Variants in HS3ST3A1 observed in about 807,000 individuals in gnomAD.
The protein encoded by HS3ST3A1 is heparan sulfate-glucosamine 3-sulfotransferase 3A1, also known as heparan sulfate glucosamine 3-O-sulfotransferase 3A1.
In HS3ST3A1, 19 loss-of-function variants were observed where a neutral mutation model predicts 25.7. That is an observed-to-expected ratio of 0.74 (90% CI 0.52 to 1.08). The LOEUF is 1.08. HS3ST3A1 is among the 50% of genes least tolerant of loss of function. The pLI is 0.00. For synonymous variants in HS3ST3A1, 226 were observed against 278.6 expected (o/e 0.81, Z 1.88); for missense variants, 459 against 594.3 (o/e 0.77, Z 2.37).
intron 1 of HS3ST3A1, among the ~76,000 whole-genome samples, chr17:13,536,028 A>C (rs191229838): frequency 5.3e-5 from 8 of 152,318 alleles, no homozygotes; most frequent in African/African-American, 1.9e-4. Context: ...CTAATCTTGC[A>C]ACTGCTGGAC....
At chr17:13,597,262 T>C (rs527365875) in intron 1 of HS3ST3A1, among the ~76,000 whole-genome samples, 23 of 152,166 alleles carry the variant, frequency 1.5e-4, no homozygotes, top group African/African-American at 5.1e-4. Flanking sequence ...TTAATAAGTA[T>C]CTTTTAGCTT....
chr17:13,537,769 G>A (rs2142340076), intron 1 of HS3ST3A1, among the ~76,000 whole-genome samples: 1 of 152,284 alleles, frequency 6.6e-6, no homozygotes, highest in Admixed American at 6.5e-5. Context: ...ACGAACACTT[G>A]TCAACTGAGG....
chr17:13,513,695 C>T (rs1598410396), intron 1 of HS3ST3A1, among the ~76,000 whole-genome samples: 1 of 152,164 alleles, frequency 6.6e-6, no homozygotes, highest in African/African-American at 2.4e-5. Flanking sequence ...TAAATTGCTG[C>T]GCAGTATCCT....
At chr17:13,551,481 T>A (rs1031969396) in intron 1 of HS3ST3A1, among the ~76,000 whole-genome samples, 3 of 151,974 alleles carry the variant, frequency 2.0e-5, no homozygotes, top group Non-Finnish European at 2.9e-5. Context: ...AATTGATAGA[T>A]AAACAGTCCC....
chr17:13,524,778 A>T (rs1355981055), intron 1 of HS3ST3A1, among the ~76,000 whole-genome samples: 1 of 152,146 alleles, frequency 6.6e-6, no homozygotes, highest in African/African-American at 2.4e-5. Context: ...CTTTCTGCAA[A>T]ATTTATTCAC....
At position 13,506,901 on chromosome 17, in the gene HS3ST3A1, CA is replaced by C. The variant is rs958583882; in HGVS notation, c.600-10084del. ...CTGTAACCCTGTCTCTACTAAAATA[CA>C]AAAAAAAAAAAAAAAAATTAGCCAG... On this transcript the variant is annotated intron_variant, in intron 1 of 1. Transcript: ENST00000284110. 7.4e-3 allele frequency among the ~76,000 whole-genome samples: 744 copies of C among 101,164 alleles called. 1 individual carries two copies. The highest frequency in any genetic ancestry group is 8.2e-3 in the African/African-American group (229 of 28,044). The allele number at this position is 101,164 out of a possible 152,430, so 66.4% of individuals were successfully genotyped here. A position where few individuals can be genotyped will look rare whatever the true frequency, so the allele number is the denominator to read the frequency against.
At chr17:13,542,329 CAAAAAAA>C (rs61165551) in intron 1 of HS3ST3A1, among the ~76,000 whole-genome samples, 2 of 116,900 alleles carry the variant, frequency 1.7e-5, no homozygotes, top group Non-Finnish European at 3.7e-5. Context: ...ACTCTGTTTC[CAAAAAAA>C]AAAAAAAAAA....
intron 1 of HS3ST3A1, among the ~76,000 whole-genome samples, chr17:13,565,181 T>C (rs77745659): frequency 0.014 from 2,120 of 152,296 alleles, 49 homozygotes; most frequent in African/African-American, 0.048. Context: ...AATTTTTGCA[T>C]GGTAGCTAAT....
At chr17:13,516,817 G>A (rs1374947474) in intron 1 of HS3ST3A1, among the ~76,000 whole-genome samples, 1 of 152,154 alleles carries the variant, frequency 6.6e-6, no homozygotes, top group African/African-American at 2.4e-5. Context: ...TTCCCAAGTA[G>A]CTGGGATTAC....
intron 1 of HS3ST3A1, among the ~76,000 whole-genome samples, chr17:13,503,893 G>C (rs979924517): frequency 1.3e-5 from 2 of 152,188 alleles, no homozygotes; most frequent in African/African-American, 4.8e-5. Context: ...TTCACCAAAA[G>C]ACATGTTCAC....
At chr17:13,560,214 C>T (rs1163139355) in intron 1 of HS3ST3A1, among the ~76,000 whole-genome samples, 4 of 136,724 alleles carry the variant, frequency 2.9e-5, no homozygotes, top group Admixed American at 8.6e-5. Flanking sequence ...CGCTTGAACC[C>T]GAGAGGTGGA....
intron 1 of HS3ST3A1, among the ~76,000 whole-genome samples, chr17:13,586,068 T>C (rs1219160682): frequency 1.3e-5 from 2 of 151,314 alleles, no homozygotes; most frequent in Non-Finnish European, 2.9e-5. Flanking sequence ...AGGATGGTCT[T>C]AATCTCCTGA....
rs534175011 is a variant in HS3ST3A1 at position 13,552,492 on chromosome 17, G to C, written c.599+48039C>G. On this transcript the variant is annotated intron_variant, in intron 1 of 1. Coordinates refer to ENST00000284110, the MANE Select transcript of HS3ST3A1 (RefSeq NM_006042.3). ...GTGTTGATCAATACAGCTTCCCCAA[G>C]GAAGCATTCTCAAGGGCAACGTCAA... Among the ~76,000 whole-genome samples, 274 of 152,290 alleles carry C rather than the reference G, an allele frequency of 1.8e-3. 1 individual carries two copies. Among genetic ancestry groups the C allele is most frequent in the African/African-American group, 6.4e-3 (265 of 41,562 alleles).
rs1179246284 is a variant in HS3ST3A1 at position 13,495,311 on chromosome 17, T to G, written c.*886A>C. Among the ~76,000 whole-genome samples, 1 of 152,170 alleles carries G rather than the reference T, an allele frequency of 6.6e-6. No homozygotes were observed. The highest frequency in any genetic ancestry group is 2.4e-5 in the African/African-American group (1 of 41,432). ...CAGTCAAGATTTCCATATCTCAGTG[T>G]ACTTTAAATAGCCAAGAGGCAAGAC... is the stretch of plus-strand genomic sequence containing the variant. On this transcript the variant is annotated 3_prime_UTR_variant, in exon 2 of 2. Transcript: ENST00000284110.
At chr17:13,587,171 T>C (rs1908298053) in intron 1 of HS3ST3A1, among the ~76,000 whole-genome samples, 1 of 151,644 alleles carries the variant, frequency 6.6e-6, no homozygotes, top group African/African-American at 2.4e-5. Context: ...TAATAATCTT[T>C]GAGGCCGGGC....
chr17:13,539,553 T>C (rs1439336388), intron 1 of HS3ST3A1, among the ~76,000 whole-genome samples: 2 of 152,202 alleles, frequency 1.3e-5, no homozygotes, highest in African/African-American at 4.8e-5. Context: ...GTTATTGGAT[T>C]CTCATTTCAA....
chr17:13,597,504 C>T (rs951107657), intron 1 of HS3ST3A1, among the ~76,000 whole-genome samples: 3 of 152,200 alleles, frequency 2.0e-5, no homozygotes, highest in Middle Eastern at 3.4e-3. Flanking sequence ...ACTGCTTTAC[C>T]GTGACATGCA....
intron 1 of HS3ST3A1, among the ~76,000 whole-genome samples, chr17:13,575,434 G>A (rs193050984): frequency 8.5e-5 from 13 of 152,286 alleles, no homozygotes; most frequent in Non-Finnish European, 1.8e-4. Context: ...AGAAACTATA[G>A]AGCATGAATC....
intron 1 of HS3ST3A1, among the ~76,000 whole-genome samples, chr17:13,500,336 T>C (rs943002057): frequency 6.6e-6 from 1 of 152,186 alleles, no homozygotes; most frequent in Non-Finnish European, 1.5e-5. Context: ...CTAACACTTT[T>C]AATGGCAAAA....
Sources: allele counts gnomAD v4.1 joint callset (sites outside exome capture counted in the v4.1 genomes callset), GRCh38; gene constraint gnomAD v4.1.1; transcripts MANE v1.5; gene names NCBI Gene and HGNC (gene_info 2026-07-23, HGNC 2026-07-21).